The following NUP205 variants were observed in gnomAD, a reference collection of about 807,000 sequenced individuals.
NUP205 encodes the protein nuclear pore complex protein Nup205.
Under a neutral mutation model 253.8 loss-of-function variants are expected in NUP205, and 76 were observed. The ratio of observed to expected loss-of-function variants is 0.30; its 90% CI spans 0.25 to 0.36. NUP205 has a LOEUF of 0.36. Ranked by LOEUF, NUP205 falls within the 10% of genes least tolerant of loss-of-function variation. The pLI is 1.00. For synonymous variants in NUP205, 832 were observed against 850.1 expected, an observed-to-expected ratio of 0.98 and a Z score of 0.37; for missense variants, 2,162 against 2,425.5, an observed-to-expected ratio of 0.89 and a Z score of 2.28.
intron 7 of NUP205, among the ~76,000 whole-genome samples, chr7:135,582,508 A>G (rs1005263159): frequency 6.6e-5 from 10 of 152,098 alleles, no homozygotes; most frequent in Non-Finnish European, 7.4e-5. Flanking sequence ...TTTGTTTGAG[A>G]TAGTGGCTTC....
intron 23 of NUP205, among the ~76,000 whole-genome samples, chr7:135,615,421 A>T (rs974207472): frequency 2.6e-5 from 4 of 152,190 alleles, no homozygotes; most frequent in African/African-American, 7.2e-5. Flanking sequence ...AAATAAAAAT[A>T]AAAACTATTG....
chr7:135,579,197 A>ATTTC (rs567828219), intron 7 of NUP205, among the ~76,000 whole-genome samples: 1 of 144,020 alleles, frequency 6.9e-6, no homozygotes, highest in Non-Finnish European at 1.5e-5. Context: ...TGTCACATTA[A>ATTTC]TTTTTTTTTT....
chr7:135,604,800 G>C (rs566580433), intron 19 of NUP205, among the ~76,000 whole-genome samples: 14 of 152,306 alleles, frequency 9.2e-5, no homozygotes, highest in South Asian at 6.2e-4. Context: ...TGTGTTCTAA[G>C]TGAGCCCTCT....
chr7:135,629,693 A>G (rs1444202237), intron 34 of NUP205, among the ~76,000 whole-genome samples: 1 of 151,732 alleles, frequency 6.6e-6, no homozygotes, highest in East Asian at 1.9e-4. Flanking sequence ...CATCTGACTA[A>G]TTTTTGTATT....
chr7:135,614,546 G>A (rs1407623316), intron 23 of NUP205, among the ~76,000 whole-genome samples: 1 of 151,998 alleles, frequency 6.6e-6, no homozygotes, highest in African/African-American at 2.4e-5. Flanking sequence ...AAAATTAATG[G>A]GAATTTAAAG....
At chr7:135,606,313 T>C (rs1794085397) in intron 20 of NUP205, 87 bp downstream of exon 20, 2 of 887,638 alleles carry the variant, frequency 2.3e-6, no homozygotes, top group Non-Finnish European at 3.7e-6. Context: ...TTGTTAACTG[T>C]TTTAGTGATG....
In NUP205 at chr7:135,607,333, G is replaced by A. The variant is rs1034109761; in HGVS notation, c.3157G>A (p.Val1053Met). ...GGAAGGGAGAACAGGCCCAGTGGCG[G>A]TGCGAGAATCTCCTCAGCTGGCTGA... ...GTEGRTGPVA[V>M]RESPQLAELC... The change falls in exon 22 of 43, where the codon GTG (valine) becomes ATG (methionine). Residue 1053 changes from valine (V) to methionine (M), a missense_variant. Coordinates refer to ENST00000285968, the MANE Select transcript of NUP205 (RefSeq NM_015135.3). The A allele has an allele frequency of 9.9e-6, 16 of 1,614,028 alleles. No homozygotes were observed. Among genetic ancestry groups the A allele is most frequent in the African/African-American group, 1.3e-5 (1 of 75,044 alleles).
At chr7:135,610,691 C>A (rs1370838994) in intron 22 of NUP205, among the ~76,000 whole-genome samples, 1 of 152,120 alleles carries the variant, frequency 6.6e-6, no homozygotes, top group East Asian at 1.9e-4. Context: ...AAATATACTC[C>A]CTATACCTAT....
At chr7:135,577,197 A>C in intron 5 of NUP205, 69 bp downstream of exon 5, 1 of 1,433,194 alleles carries the variant, frequency 7.0e-7, no homozygotes. Context: ...TGACAATTAG[A>C]ATGTTCATTT....
At chr7:135,635,530 A>G in intron 35 of NUP205, 51 bp from the exon 36 acceptor site, 1 of 970,208 alleles carries the variant, frequency 1.0e-6, no homozygotes, top group Non-Finnish European at 1.6e-6. Context: ...CTAGTTTTTA[A>G]TGTTTTTGTT....
At chr7:135,592,158 G>A (rs1019685370) in intron 11 of NUP205, among the ~76,000 whole-genome samples, 4 of 152,208 alleles carry the variant, frequency 2.6e-5, no homozygotes, top group African/African-American at 9.6e-5. Context: ...GGAGAGCCAT[G>A]ATGGGAGCTG....
intron 34 of NUP205, among the ~76,000 whole-genome samples, chr7:135,629,143 C>T (rs1012406551): frequency 6.6e-6 from 1 of 152,172 alleles, no homozygotes. Context: ...TATTAAAAAA[C>T]AAAAATGATC....
At position 135,591,514 on chromosome 7, in the gene NUP205, A is replaced by G. The variant is rs1806628341; in HGVS notation, c.1538A>G (p.Tyr513Cys). ...DLLPPTIYIP[Y>C]LKMLQGLANG... ...TTGCCTCCAACTATTTATATTCCTT[A>G]TTTGAAGATGCTCCAGGGATTGGCC... Residue 513 changes from tyrosine to cysteine, a missense_variant, in exon 11 of 43, where the codon TAT (tyrosine) becomes TGT (cysteine). Physicochemically the swap from Tyr to Cys is radical, Grantham distance 194. Transcript: ENST00000285968. 1 of 1,614,028 alleles carries G rather than the reference A, an allele frequency of 6.2e-7. No individual in the cohort carries two copies. The highest frequency in any genetic ancestry group is 8.5e-7 in the Non-Finnish European group (1 of 1,179,932).
In NUP205 at chr7:135,604,332, C is replaced by A; in HGVS notation, c.2703-8C>A. 3.1e-6 allele frequency: 5 copies of A among 1,589,242 alleles called. No individual in the cohort carries two copies. The South Asian group carries it at 4.7e-5, about 15-fold the overall frequency. Reference sequence around the variant, plus strand: ...CACTGTTCCTCAAATGTTTTCTTTTCTTTAAAGATACCTATATCATGGCAA... The same window carrying A: ...CACTGTTCCTCAAATGTTTTCTTTTATTTAAAGATACCTATATCATGGCAA... On this transcript the variant is annotated splice_polypyrimidine_tract_variant and splice_region_variant and intron_variant, in intron 18 of 42. Coordinates refer to ENST00000285968, the MANE Select transcript of NUP205 (RefSeq NM_015135.3).
chr7:135,628,022 C>G lies in NUP205; in HGVS notation c.4843C>G (p.Arg1615Gly), dbSNP rs201443496. 2 of 1,611,604 alleles carry G rather than the reference C, an allele frequency of 1.2e-6. No homozygotes were observed. Among genetic ancestry groups the G allele is most frequent in the Non-Finnish European group, 1.7e-6 (2 of 1,179,536 alleles). The part of the protein sequence containing the change: ...PPMFIPTPVD[R>G]YRQILLPALQ... ...AATGTTCATCCCTACCCCAGTGGAT[C>G]GCTACCGCCAGATTCTCCTCCCAGC... is the stretch of plus-strand genomic sequence containing the variant. The change falls in exon 34 of 43, where the codon CGC (arginine) becomes GGC (glycine). Residue 1615 changes from arginine (R) to glycine (G), a missense_variant. Coordinates refer to ENST00000285968, the MANE Select transcript of NUP205 (RefSeq NM_015135.3).
At chr7:135,612,859 T>G (rs1486619141) in intron 22 of NUP205, among the ~76,000 whole-genome samples, 1 of 152,206 alleles carries the variant, frequency 6.6e-6, no homozygotes, top group African/African-American at 2.4e-5. Flanking sequence ...ACAATTATAC[T>G]AGGTATTAAT....
At position 135,577,937 on chromosome 7, in the gene NUP205, C is replaced by G. The variant is rs766521944; in HGVS notation, c.790C>G (p.Leu264Val). ...AGTGACAGTTGAGGCTAATGGCTCA[C>G]TGGATGCAGTGAATCTGGCTCTTCT... is the stretch of plus-strand genomic sequence containing the variant. ...ERVTVEANGS[L>V]DAVNLALLMA... The change falls in exon 6 of 43, where the codon CTG (leucine) becomes GTG (valine). Residue 264 changes from leucine to valine, a missense_variant. Transcript: ENST00000285968. The G allele has an allele frequency of 6.2e-7, 1 of 1,614,052 alleles. No homozygotes were observed. Among genetic ancestry groups the G allele is most frequent in the Non-Finnish European group, 8.5e-7 (1 of 1,179,948 alleles).
At chr7:135,603,550 C>T (rs2129490623) in intron 18 of NUP205, among the ~76,000 whole-genome samples, 1 of 150,976 alleles carries the variant, frequency 6.6e-6, no homozygotes, top group African/African-American at 2.4e-5. Flanking sequence ...CGCTCTGTCA[C>T]CCAGACTGGA....
intron 2 of NUP205, among the ~76,000 whole-genome samples, chr7:135,572,145 C>T (rs1806014094): frequency 1.3e-5 from 2 of 152,092 alleles, no homozygotes; most frequent in Non-Finnish European, 1.5e-5. Flanking sequence ...AGACGTGAGC[C>T]ACTGTGCCCT....
Sources: allele counts gnomAD v4.1 joint callset (sites outside exome capture counted in the v4.1 genomes callset), GRCh38; gene constraint gnomAD v4.1.1; transcripts MANE v1.5; gene names NCBI Gene and HGNC (gene_info 2026-07-23, HGNC 2026-07-21).